SAXO1: variants seen among roughly 807,000 people sequenced by gnomAD.
SAXO1 encodes the protein 4930500O09Rik.
Under a neutral mutation model 17.5 loss-of-function variants are expected in SAXO1, and 21 were observed. The ratio of observed to expected loss-of-function variants is 1.20; its 90% CI spans 0.85 to 1.72. The LOEUF (loss-of-function observed/expected upper bound fraction) is 1.72, where lower values mean the gene tolerates loss of function less well. Among genes scored for constraint, SAXO1 ranks in the 40% most tolerant of loss-of-function variants. The pLI is 0.00. For missense variants in SAXO1, 843 were observed against 596.0 expected (o/e 1.41, Z -4.32); for synonymous variants, 274 against 216.5 (o/e 1.27, Z -2.33).
At position 18,928,182 on chromosome 9, in the gene SAXO1, A is replaced by T. The variant is rs112638920; in HGVS notation, c.1295T>A (p.Phe432Tyr). 11 of 1,614,144 alleles carry T rather than the reference A, an allele frequency of 6.8e-6. No homozygotes were observed. Among genetic ancestry groups the T allele is most frequent in the African/African-American group, 5.3e-5 (4 of 75,026 alleles). The change falls in exon 4 of 4, where the codon TTT (phenylalanine) becomes TAT (tyrosine). Residue 432 changes from phenylalanine (F) to tyrosine (Y), a missense_variant. Coordinates refer to ENST00000380534, the MANE Select transcript of SAXO1 (RefSeq NM_153707.4). ...GTGACCCAAAGCATCCACTTCCTCA[A>T]AGGTGTAGCCAGGAGGCTCAGGATA... ...ASYPEPPGYTFEEVDALGHRI... is the reference protein window; with the variant it reads ...ASYPEPPGYTYEEVDALGHRI...
chr9:19,045,048 C>T (rs1836174201), intron 1 of SAXO1, among the ~76,000 whole-genome samples: 2 of 151,860 alleles, frequency 1.3e-5, no homozygotes, highest in Admixed American at 6.6e-5. Flanking sequence ...CGGTGGCTCA[C>T]GCCTGTAATC....
chr9:19,038,879 A>C (rs1367870210), intron 1 of SAXO1, among the ~76,000 whole-genome samples: 2 of 152,188 alleles, frequency 1.3e-5, no homozygotes, highest in African/African-American at 4.8e-5. Flanking sequence ...TGAAACCACT[A>C]TAAACAGTAT....
chr9:18,961,340 G>GT (rs1296483772), intron 1 of SAXO1, among the ~76,000 whole-genome samples: 1 of 145,980 alleles, frequency 6.9e-6, no homozygotes, highest in Non-Finnish European at 1.5e-5. Context: ...CTGGCTAATT[G>GT]TTTTTTGTTT....
Position 18,950,788 on chromosome 9 carries a change from G to C in SAXO1, c.188C>G (p.Pro63Arg), listed in dbSNP as rs575777151. 9 of 1,613,666 alleles carry C rather than the reference G, an allele frequency of 5.6e-6. No individual in the cohort carries two copies. In the African/African-American group the frequency reaches 1.1e-4, roughly 19 times the overall value. Residue 63 changes from proline (P) to arginine (R), a missense_variant, in exon 2 of 4, where the codon CCT becomes CGT. Pro to Arg is a moderately radical substitution (Grantham distance 103, BLOSUM62 -2). Coordinates refer to ENST00000380534, the MANE Select transcript of SAXO1 (RefSeq NM_153707.4). ...TGTAGTCAGGCCTTCCATTGGTATAGGCCCTTTCTGGTACTCCCGCCTTGG... is the reference window on the plus strand; with the variant it reads ...TGTAGTCAGGCCTTCCATTGGTATACGCCCTTTCTGGTACTCCCGCCTTGG... Reference protein sequence around the residue: ...FKPRREYQKGPIPMEGLTTSR... With the variant: ...FKPRREYQKGRIPMEGLTTSR...
At chr9:18,955,583 T>C (rs1832226143) in intron 1 of SAXO1, among the ~76,000 whole-genome samples, 1 of 152,252 alleles carries the variant, frequency 6.6e-6, no homozygotes, top group Admixed American at 6.5e-5. Flanking sequence ...AATATCCGTC[T>C]CTTTCTTAGG....
rs755524891 is a variant in SAXO1 at position 18,928,494 on chromosome 9, A to G, written c.983T>C (p.Ile328Thr). ...GCCTTCAAAGCGACCGCACTTCTTA[A>G]TCTGAAGTGCAGGTCGGCAGGACTG... ...PAQSCRPALQ[I>T]KKCGRFEGSS... Residue 328 changes from isoleucine (I) to threonine (T), a missense_variant, in exon 4 of 4, where the codon ATT (isoleucine) becomes ACT (threonine). By Grantham distance (89) the Ile-to-Thr change is moderately conservative (BLOSUM62 -1). Coordinates refer to ENST00000380534, the MANE Select transcript of SAXO1 (RefSeq NM_153707.4). 6.2e-7 allele frequency: 1 copy of G among 1,613,582 alleles called. No individual in the cohort carries two copies.
At chr9:19,036,788 C>G (rs376121771), upstream of SAXO1, among the ~76,000 whole-genome samples, 30 of 152,320 alleles carry the variant, frequency 2.0e-4, no homozygotes, top group African/African-American at 7.2e-4. Flanking sequence ...AATGTCCCTA[C>G]TGGGGCACCA....
chr9:19,019,518 C>G (rs1835137490), intron 1 of SAXO1, among the ~76,000 whole-genome samples: 1 of 152,106 alleles, frequency 6.6e-6, no homozygotes, highest in African/African-American at 2.4e-5. Context: ...ACCTTGAGGT[C>G]AGGAGTTTGA....
At chr9:18,947,171 T>A (rs1446006666) in intron 2 of SAXO1, among the ~76,000 whole-genome samples, 1 of 152,236 alleles carries the variant, frequency 6.6e-6, no homozygotes, top group African/African-American at 2.4e-5. Context: ...CTATGGAGGC[T>A]AAGTATATGC....
At chr9:18,975,539 C>T (rs1029960384) in intron 1 of SAXO1, among the ~76,000 whole-genome samples, 3 of 152,176 alleles carry the variant, frequency 2.0e-5, no homozygotes, top group African/African-American at 7.2e-5. Context: ...TAACAGGTGG[C>T]AGTTATGATT....
chr9:18,986,418 A>G (rs1833597535), intron 1 of SAXO1, among the ~76,000 whole-genome samples: 1 of 152,216 alleles, frequency 6.6e-6, no homozygotes, highest in Non-Finnish European at 1.5e-5. Context: ...GGATAACTGT[A>G]TTTTCAAAAT....
At chr9:18,967,919 C>A (rs1026920106) in intron 1 of SAXO1, among the ~76,000 whole-genome samples, 2 of 152,166 alleles carry the variant, frequency 1.3e-5, no homozygotes, top group Non-Finnish European at 1.5e-5. Context: ...TTGGGAAGAC[C>A]GTTGGAAAAG....
intron 1 of SAXO1, among the ~76,000 whole-genome samples, chr9:18,998,004 T>A (rs923854001): frequency 6.6e-6 from 1 of 152,056 alleles, no homozygotes; most frequent in Non-Finnish European, 1.5e-5. Context: ...ACCTCTAACA[T>A]GGAGAGAAAC....
chr9:18,998,614 A>C (rs909920093), intron 1 of SAXO1, among the ~76,000 whole-genome samples: 2 of 152,200 alleles, frequency 1.3e-5, no homozygotes, highest in Non-Finnish European at 2.9e-5. Flanking sequence ...AGTACACAGA[A>C]CACCACAAAG....
intron 3 of SAXO1, among the ~76,000 whole-genome samples, chr9:18,933,910 G>A (rs1199026355): frequency 3.3e-5 from 5 of 152,162 alleles, no homozygotes; most frequent in East Asian, 1.9e-4. Context: ...GCCAGGCGTA[G>A]TGGCGGGCGC....
intron 1 of SAXO1, among the ~76,000 whole-genome samples, chr9:19,002,706 A>G (rs1834325948): frequency 6.6e-6 from 1 of 152,218 alleles, no homozygotes; most frequent in Non-Finnish European, 1.5e-5. Context: ...CTTCATGCTA[A>G]AAACTCTCAA....
intron 1 of SAXO1, among the ~76,000 whole-genome samples, chr9:18,968,875 T>C (rs1017149588): frequency 6.6e-6 from 1 of 152,144 alleles, no homozygotes; most frequent in Admixed American, 6.5e-5. Flanking sequence ...ATTACAGACA[T>C]GAGCCCCTGC....
At chr9:19,027,989 A>C in intron 1 of SAXO1, 1 of 1,581,066 alleles carries the variant, frequency 6.3e-7, no homozygotes, top group Non-Finnish European at 8.7e-7. Flanking sequence ...GATGACTTCA[A>C]CGGGGCCCAG....
Position 18,971,951 on chromosome 9 carries a change from G to C in SAXO1, c.39-21014C>G, listed in dbSNP as rs1020221365. On this transcript the variant is annotated intron_variant, in intron 1 of 3. Transcript: ENST00000380534. ...TATGGATTCACTAATAATAACAAAA[G>C]AGCCAGGTTTTGCTTTTGTTACTTG... 2.0e-5 allele frequency among the ~76,000 whole-genome samples: 3 copies of C among 147,268 alleles called. No homozygotes were observed. The Admixed American group carries it at 2.0e-4, about 10-fold the overall frequency.
Sources: allele counts gnomAD v4.1 joint callset (sites outside exome capture counted in the v4.1 genomes callset), GRCh38; gene constraint gnomAD v4.1.1; transcripts MANE v1.5; gene names NCBI Gene and HGNC (gene_info 2026-07-23, HGNC 2026-07-21).